Variants in SMPD2 observed in about 807,000 individuals in gnomAD.
SMPD2 encodes N-SMase.
Under a neutral mutation model 41.7 loss-of-function variants are expected in SMPD2, and 35 were observed. The observed-to-expected ratio is 0.84, with a 90% CI of 0.64 to 1.11. The LOEUF (loss-of-function observed/expected upper bound fraction) is 1.11. Among genes scored for constraint, SMPD2 ranks in the 50% most tolerant of loss-of-function variants. SMPD2 has a pLI of 0.00. For missense variants in SMPD2, 520 were observed against 524.8 expected (o/e 0.99, Z 0.09); for synonymous variants, 201 against 208.2 (o/e 0.97, Z 0.30).
chr6:109,442,400 G>A, intron 5 of SMPD2, 101 bp downstream of exon 5: 3 of 1,376,184 alleles, frequency 2.2e-6, no homozygotes, highest in Non-Finnish European at 3.1e-6. Flanking sequence ...TGAGGTGTGG[G>A]GGCAAGATCT....
In SMPD2 at chr6:109,442,743, T is replaced by C. The variant is rs1582628274; in HGVS notation, c.492-9T>C. On this transcript the variant is annotated splice_polypyrimidine_tract_variant and intron_variant, in intron 6 of 9. Transcript: ENST00000258052. ...AAGAACTCCCGCCTCACCAACCTGGTTCCCCCAGCCACACATCCAAGAAGG... is the reference window on the plus strand; with the variant it reads ...AAGAACTCCCGCCTCACCAACCTGGCTCCCCCAGCCACACATCCAAGAAGG... 6.2e-7 allele frequency: 1 copy of C among 1,603,576 alleles called. No individual in the cohort carries two copies.
intron 8 of SMPD2, 76 bp from the exon 9 acceptor site, chr6:109,443,191 G>T: frequency 6.3e-7 from 1 of 1,577,290 alleles, no homozygotes; most frequent in Non-Finnish European, 8.7e-7. Context: ...TGGGTGGAAA[G>T]TGGGGTAGCC....
At position 109,443,043 on chromosome 6, in the gene SMPD2, T is replaced by C. The variant is rs1775012094; in HGVS notation, c.691T>C (p.Phe231Leu). ...CGTCAGCCAGCAGGAGCTGAAGCCA[T>C]TTCCCTTTGGTGTCCGCATTGACTA... ...CYVSQQELKP[F>L]PFGVRIDYVL... is the part of the protein sequence containing the mutation. The change falls in exon 8 of 10, where the codon TTT becomes CTT. Residue 231 changes from phenylalanine (F) to leucine (L), a missense_variant. Coordinates refer to ENST00000258052, the MANE Select transcript of SMPD2 (RefSeq NM_003080.3). 6.2e-7 allele frequency: 1 copy of C among 1,614,214 alleles called. No homozygotes were observed. Among genetic ancestry groups the C allele is most frequent in the South Asian group, 1.1e-5 (1 of 91,084 alleles).
At chr6:109,443,163 C>G in intron 8 of SMPD2, 82 bp downstream of exon 8, 1 of 1,454,226 alleles carries the variant, frequency 6.9e-7, no homozygotes, top group Non-Finnish European at 9.3e-7. Context: ...CTCAGCTAGT[C>G]TAGTCTTGGA....
Position 109,441,434 on chromosome 6 carries a change from A to T in SMPD2, c.128A>T (p.Asp43Val), listed in dbSNP as rs1337049465. The change falls in exon 2 of 10, where the codon GAC becomes GTC. Residue 43 changes from aspartate (D) to valine (V), a missense_variant. Coordinates refer to ENST00000258052, the MANE Select transcript of SMPD2 (RefSeq NM_003080.3). ...LGDFLNQESF[D>V]LALLEEVWSE... ...GACTTTCTGAACCAGGAGAGCTTCG[A>T]CCTGGCTTTGCTGGAGGAGGTGAGA... is the stretch of plus-strand genomic sequence containing the variant. 6.2e-7 allele frequency: 1 copy of T among 1,614,128 alleles called. No homozygotes were observed. Among genetic ancestry groups the T allele is most frequent in the Non-Finnish European group, 8.5e-7 (1 of 1,179,990 alleles).
chr6:109,441,988 G>GTGGC lies in SMPD2; in HGVS notation c.240_243dup (p.Leu82TrpfsTer31), dbSNP rs760962882. On this transcript the variant is annotated frameshift_variant, in exon 4 of 10. Coordinates refer to ENST00000258052, the MANE Select transcript of SMPD2 (RefSeq NM_003080.3). LOFTEE classifies it high-confidence loss of function. ...TTGGCTTTCAGCGGAATCATTGGCA[G>GTGGC]TGGCCTCTGTGTCTTCTCCAAACAT... 6.2e-7 allele frequency: 1 copy of GTGGC among 1,614,198 alleles called. No individual in the cohort carries two copies. Among genetic ancestry groups the GTGGC allele is most frequent in the South Asian group, 1.1e-5 (1 of 91,088 alleles).
chr6:109,441,921 G>A, intron 3 of SMPD2, 53 bp from the exon 4 acceptor site: 1 of 1,495,162 alleles, frequency 6.7e-7, no homozygotes, highest in Non-Finnish European at 9.3e-7. Context: ...AGGGGAAGAA[G>A]GCTGGGTGTC....
At chr6:109,442,411 T>C in intron 5 of SMPD2, 112 bp downstream of exon 5, 1 of 1,348,750 alleles carries the variant, frequency 7.4e-7, no homozygotes, top group Non-Finnish European at 1.1e-6. Context: ...GGCAAGATCT[T>C]ATAAGGAAGC....
intron 3 of SMPD2, 89 bp downstream of exon 3, chr6:109,441,717 T>TCTCCTCCAGC (rs1308692059): frequency 2.5e-6 from 3 of 1,217,956 alleles, no homozygotes; most frequent in Non-Finnish European, 2.4e-6. Flanking sequence ...CACTCTCCAG[T>TCTCCTCCAGC]CTCCTCCAGC....
At position 109,441,179 on chromosome 6, in the gene SMPD2, CG is replaced by C. The variant is rs1445026600; in HGVS notation, c.50+9del. ...CTTCAACCTCAACTGCTGGTGAGTGCGTCTGCGGAGTGCGGTCTGGGGGCCA... is the reference window on the plus strand; with the variant it reads ...CTTCAACCTCAACTGCTGGTGAGTGCTCTGCGGAGTGCGGTCTGGGGGCCA... On this transcript the variant is annotated intron_variant, in intron 1 of 9. Transcript: ENST00000258052. The C allele has an allele frequency of 1.2e-6, 2 of 1,614,020 alleles. No individual in the cohort carries two copies. Among genetic ancestry groups the C allele is most frequent in the Admixed American group, 3.3e-5 (2 of 60,016 alleles).
At chr6:109,442,361 G>T in intron 5 of SMPD2, 62 bp downstream of exon 5, 5 of 1,507,812 alleles carry the variant, frequency 3.3e-6, no homozygotes, top group Non-Finnish European at 4.6e-6. Context: ...ACAGAGAGAT[G>T]GTACTTCTCT....
In SMPD2 at chr6:109,443,758, C is replaced by G; in HGVS notation, c.1125C>G (p.His375Gln). The G allele has an allele frequency of 1.9e-6, 3 of 1,614,182 alleles. No homozygotes were observed. The highest frequency in any genetic ancestry group is 2.5e-6 in the Non-Finnish European group (3 of 1,180,024). ...VLWAGAFYLF[H>Q]VQEVNGLYRA... The stretch of plus-strand genomic sequence containing the variant: ...GGGCAGGTGCATTCTACCTCTTCCA[C>G]GTACAGGAGGTCAATGGCTTATATA... Residue 375 changes from histidine to glutamine, a missense_variant, in exon 10 of 10, where the codon CAC (histidine) becomes CAG (glutamine). Coordinates refer to ENST00000258052, the MANE Select transcript of SMPD2 (RefSeq NM_003080.3).
rs367857542 is a variant in SMPD2 at position 109,441,097 on chromosome 6, C to G, written c.-25C>G. On this transcript the variant is annotated 5_prime_UTR_variant, in exon 1 of 10. Coordinates refer to ENST00000258052, the MANE Select transcript of SMPD2 (RefSeq NM_003080.3). Reference sequence around the variant, plus strand: ...GCCGTCGCTGGAGAGTTCGAGCCGCCTAGCGCCCCTGGAGCTCCCCAACCA... The same window carrying G: ...GCCGTCGCTGGAGAGTTCGAGCCGCGTAGCGCCCCTGGAGCTCCCCAACCA... 5 of 1,613,824 alleles carry G rather than the reference C, an allele frequency of 3.1e-6. No homozygotes were observed. The African/African-American group carries it at 6.7e-5, about 22-fold the overall frequency.
intron 5 of SMPD2, 116 bp from the exon 6 acceptor site, chr6:109,442,427 G>A: frequency 1.5e-6 from 2 of 1,329,504 alleles, no homozygotes; most frequent in Non-Finnish European, 2.2e-6. Context: ...GAAGCAATGG[G>A]CAAGGCTTAT....
Position 109,443,656 on chromosome 6 carries a change from G to T in SMPD2, c.1023G>T (p.Leu341=), listed in dbSNP as rs1262709692. ...IGLGLLLLAL[L]CVLAAGGGAG... is the part of the protein sequence containing the mutation. The stretch of plus-strand genomic sequence containing the variant: ...TGGGGCTGCTTCTCCTGGCACTGCT[G>T]TGTGTCCTGGCGGCTGGAGGAGGGG... Residue 341 remains leucine, a synonymous_variant, in exon 10 of 10, where the codon CTG becomes CTT. Coordinates refer to ENST00000258052, the MANE Select transcript of SMPD2 (RefSeq NM_003080.3). 1 of 1,613,646 alleles carries T rather than the reference G, an allele frequency of 6.2e-7. No homozygotes were observed. The highest frequency in any genetic ancestry group is 8.5e-7 in the Non-Finnish European group (1 of 1,179,912).
chr6:109,442,376 C>G (rs557389572), intron 5 of SMPD2, 77 bp downstream of exon 5: 3 of 1,466,024 alleles, frequency 2.0e-6, no homozygotes, highest in Non-Finnish European at 2.9e-6. Flanking sequence ...TTCTCTAGCT[C>G]TCATACCTGG....
intron 1 of SMPD2, 73 bp downstream of exon 1, chr6:109,441,244 C>T: frequency 6.3e-7 from 1 of 1,596,050 alleles, no homozygotes; most frequent in Non-Finnish European, 8.6e-7. Context: ...TCCCCCTATC[C>T]CGCCCCACGA....
intron 3 of SMPD2, 121 bp from the exon 4 acceptor site, chr6:109,441,853 G>T: frequency 9.9e-7 from 1 of 1,013,128 alleles, no homozygotes; most frequent in Non-Finnish European, 1.5e-6. Context: ...TTGGTTCTAG[G>T]GCTAGTCCCA....
At chr6:109,443,470 C>T in intron 9 of SMPD2, 47 bp from the exon 10 acceptor site, 1 of 1,610,018 alleles carries the variant, frequency 6.2e-7, no homozygotes, top group Non-Finnish European at 8.5e-7. Flanking sequence ...TGAAGCAGCC[C>T]TTCCACTCTT....
Sources: allele counts gnomAD v4.1 joint callset, GRCh38; gene constraint gnomAD v4.1.1; transcripts MANE v1.5; gene names NCBI Gene and HGNC (gene_info 2026-07-23, HGNC 2026-07-21).